The following ARFGEF3 variants were observed in gnomAD, a reference collection of about 807,000 sequenced individuals.
ARFGEF3 encodes the protein ARFGEF family member 3.
Under a neutral mutation model 221.7 loss-of-function variants are expected in ARFGEF3, and 96 were observed. The ratio of observed to expected loss-of-function variants is 0.43; its 90% CI spans 0.37 to 0.51. The LOEUF (loss-of-function observed/expected upper bound fraction) is 0.51, where lower values mean the gene tolerates loss of function less well. ARFGEF3 is among the 20% of genes least tolerant of loss of function. The probability of loss-of-function intolerance (pLI) is 0.00; values close to 1 mark genes in which losing one functional copy is unlikely to be tolerated. For synonymous variants in ARFGEF3, 1,145 were observed against 1,126.8 expected (o/e 1.02, Z -0.32); for missense variants, 2,410 against 2,789.9 (o/e 0.86, Z 3.07).
At position 138,262,985 on chromosome 6, in the gene ARFGEF3, T is replaced by C; in HGVS notation, c.1502T>C (p.Leu501Pro). ...TPWESGNERS[L>P]DISISVTTDT... ...TGGGAGTCAGGGAACGAGAGGAGCCTTGACATCAGCATCAGTGTCACCACA... is the reference window on the plus strand; with the variant it reads ...TGGGAGTCAGGGAACGAGAGGAGCCCTGACATCAGCATCAGTGTCACCACA... The change falls in exon 12 of 34, where the codon CTT (leucine) becomes CCT (proline). Residue 501 changes from leucine to proline, a missense_variant. Physicochemically the swap from Leu to Pro is moderately conservative, Grantham distance 98. Coordinates refer to ENST00000251691, the MANE Select transcript of ARFGEF3 (RefSeq NM_020340.5). 6.2e-7 allele frequency: 1 copy of C among 1,600,088 alleles called. No individual in the cohort carries two copies. The highest frequency in any genetic ancestry group is 8.5e-7 in the Non-Finnish European group (1 of 1,173,418).
chr6:138,215,998 G>T (rs1380723996), intron 4 of ARFGEF3: 1 of 151,250 alleles, frequency 6.6e-6, no homozygotes. Flanking sequence ...TTTTGGGTGG[G>T]GGGGAGTTTT....
At chr6:138,317,700 A>G (rs2114674817) in intron 27 of ARFGEF3, among the ~76,000 whole-genome samples, 1 of 152,252 alleles carries the variant, frequency 6.6e-6, no homozygotes, top group Non-Finnish European at 1.5e-5. Context: ...TGCTATTTCC[A>G]TGGTCACAGC....
At chr6:138,279,910 C>G (rs1338547185) in intron 13 of ARFGEF3, 89 bp from the exon 14 acceptor site, 1 of 1,323,192 alleles carries the variant, frequency 7.6e-7, no homozygotes, top group Non-Finnish European at 1.1e-6. Flanking sequence ...GTTCAGGGCT[C>G]TGTGACGTGA....
rs1780324194 is a variant in ARFGEF3, at chr6:138,336,402, C to T, written c.6450C>T (p.Thr2150=). Residue 2150 remains threonine, a synonymous_variant, in exon 34 of 34, where the codon ACC becomes ACT. Coordinates refer to ENST00000251691, the MANE Select transcript of ARFGEF3 (RefSeq NM_020340.5). The part of the protein sequence containing the change: ...PAVFPCISQL[T]CHVTDIRVRQ... Reference sequence around the variant, plus strand: ...TGTTCCCGTGCATCAGTCAGCTGACCTGTCACGTGACCGACATCAGAGTTC... The same window carrying T: ...TGTTCCCGTGCATCAGTCAGCTGACTTGTCACGTGACCGACATCAGAGTTC... 6.2e-7 allele frequency: 1 copy of T among 1,613,550 alleles called. No individual in the cohort carries two copies. The highest frequency in any genetic ancestry group is 8.5e-7 in the Non-Finnish European group (1 of 1,179,724).
At chr6:138,284,025 T>A (rs1331032696) in intron 14 of ARFGEF3, among the ~76,000 whole-genome samples, 1 of 152,020 alleles carries the variant, frequency 6.6e-6, no homozygotes, top group African/African-American at 2.4e-5. Flanking sequence ...ATACTAATAA[T>A]TACAGGCAGT....
At chr6:138,202,069 C>A (rs894965031) in intron 2 of ARFGEF3, among the ~76,000 whole-genome samples, 2 of 152,170 alleles carry the variant, frequency 1.3e-5, no homozygotes, top group African/African-American at 2.4e-5. Context: ...GCTAATTATT[C>A]TTCTTTAAGA....
intron 2 of ARFGEF3, among the ~76,000 whole-genome samples, chr6:138,173,762 G>GT (rs1293366816): frequency 6.6e-6 from 1 of 152,062 alleles, no homozygotes; most frequent in African/African-American, 2.4e-5. Context: ...TACCTATCTT[G>GT]TGCACCTACA....
intron 4 of ARFGEF3, among the ~76,000 whole-genome samples, chr6:138,210,830 A>G (rs1172392222): frequency 6.6e-6 from 1 of 152,200 alleles, no homozygotes. Context: ...TCTTCCTGGA[A>G]ATGCACTGAA....
intron 2 of ARFGEF3, among the ~76,000 whole-genome samples, chr6:138,173,545 T>TA (rs1776881502): frequency 6.6e-6 from 1 of 152,352 alleles, no homozygotes; most frequent in East Asian, 1.9e-4. Context: ...CGCATACATA[T>TA]ATTTAGAATT....
chr6:138,196,115 G>A (rs185417935), intron 2 of ARFGEF3, among the ~76,000 whole-genome samples: 1 of 152,246 alleles, frequency 6.6e-6, no homozygotes, highest in African/African-American at 2.4e-5. Flanking sequence ...AAGGTCTCAT[G>A]TGCTAAGGCA....
chr6:138,214,280 A>G (rs1777791831), intron 4 of ARFGEF3, among the ~76,000 whole-genome samples: 1 of 152,210 alleles, frequency 6.6e-6, no homozygotes, highest in South Asian at 2.1e-4. Context: ...TTACATCTGA[A>G]GGGTATGTTA....
Position 138,323,657 on chromosome 6 carries a change from GTT to G in ARFGEF3, c.4767-12_4767-11del. Reference sequence around the variant, plus strand: ...CAACAAAAAAAAAACTCCTTTACTTGTTTCTTTTGGCAGATACGTCCTTGTGA... The same window carrying G: ...CAACAAAAAAAAAACTCCTTTACTTGTCTTTTGGCAGATACGTCCTTGTGA... On this transcript the variant is annotated splice_polypyrimidine_tract_variant and intron_variant, in intron 29 of 33. Coordinates refer to ENST00000251691, the MANE Select transcript of ARFGEF3 (RefSeq NM_020340.5). 6.2e-7 allele frequency: 1 copy of G among 1,606,380 alleles called. No homozygotes were observed. The highest frequency in any genetic ancestry group is 8.5e-7 in the Non-Finnish European group (1 of 1,175,494).
In ARFGEF3 at chr6:138,233,584, G is replaced by GC. The variant is rs1778231147; in HGVS notation, c.420+3732_420+3733insC. ...AGTAGAGTTGGGATTTCGCCTTATT[G>GC]GCCAGGCTGGTCTCTAACTCCTGAC... is the stretch of plus-strand genomic sequence containing the variant. On this transcript the variant is annotated intron_variant, in intron 5 of 33. Transcript: ENST00000251691. Among the ~76,000 whole-genome samples, 5 of 152,060 alleles carry GC rather than the reference G, an allele frequency of 3.3e-5. No individual in the cohort carries two copies. The South Asian group carries it at 1.0e-3, about 32-fold the overall frequency.
intron 21 of ARFGEF3, among the ~76,000 whole-genome samples, chr6:138,298,353 A>G (rs1779559910): frequency 6.6e-6 from 1 of 152,260 alleles, no homozygotes; most frequent in Admixed American, 6.5e-5. Flanking sequence ...TGTTACAGAA[A>G]AAGAAATTAC....
intron 5 of ARFGEF3, among the ~76,000 whole-genome samples, chr6:138,233,785 A>G (rs537796030): frequency 1.3e-4 from 20 of 152,334 alleles, no homozygotes; most frequent in South Asian, 4.2e-4. Flanking sequence ...GCAGAAAAGT[A>G]CACAGATGCC....
chr6:138,218,221 CT>C (rs772541252), intron 4 of ARFGEF3: 1 of 1,613,784 alleles, frequency 6.2e-7, no homozygotes, highest in South Asian at 1.1e-5. Context: ...CTTCTTTTTA[CT>C]TTTTCTTTTT....
chr6:138,287,227 AG>A, intron 17 of ARFGEF3, 43 bp downstream of exon 17: 13 of 1,445,232 alleles, frequency 9.0e-6, no homozygotes, highest in Non-Finnish European at 1.0e-5. Context: ...CCTTGGGTGC[AG>A]TATGCACACA....
chr6:138,275,641 G>T (rs1338814680), intron 12 of ARFGEF3, among the ~76,000 whole-genome samples: 1 of 152,074 alleles, frequency 6.6e-6, no homozygotes, highest in Non-Finnish European at 1.5e-5. Context: ...CTACTTGGGA[G>T]GCTGAGGCAG....
chr6:138,170,587 A>T (rs1776808541), intron 1 of ARFGEF3, 75 bp from the exon 2 acceptor site: 2 of 790,308 alleles, frequency 2.5e-6, no homozygotes, highest in Non-Finnish European at 4.2e-6. Context: ...AGAGAAACTA[A>T]CAGAGAAATT....
Sources: allele counts gnomAD v4.1 joint callset (sites outside exome capture counted in the v4.1 genomes callset), GRCh38; gene constraint gnomAD v4.1.1; transcripts MANE v1.5; gene names NCBI Gene and HGNC (gene_info 2026-07-23, HGNC 2026-07-21).